MAN1A2: variants seen among roughly 807,000 people sequenced by gnomAD.
MAN1A2 encodes the protein mannosyl-oligosaccharide 1,2-alpha-mannosidase IB.
In MAN1A2, 26 loss-of-function variants were observed where a neutral mutation model predicts 75.7. The ratio of observed to expected loss-of-function variants is 0.34; its 90% confidence interval spans 0.25 to 0.48. MAN1A2 has a LOEUF of 0.48. Among genes scored for constraint, MAN1A2 ranks in the 20% least tolerant of loss-of-function variants. MAN1A2 has a pLI of 0.99. For missense variants in MAN1A2, 562 were observed against 775.5 expected (o/e 0.72, Z 3.27); for synonymous variants, 247 against 264.6 (o/e 0.93, Z 0.65).
At chr1:117,511,215 C>A (rs1476199533) in intron 12 of MAN1A2, among the ~76,000 whole-genome samples, 1 of 152,012 alleles carries the variant, frequency 6.6e-6, no homozygotes. Flanking sequence ...GGGAAACCAC[C>A]CCCATGATCC....
At chr1:117,401,483 A>G (rs1384386571) in intron 1 of MAN1A2, among the ~76,000 whole-genome samples, 1 of 152,146 alleles carries the variant, frequency 6.6e-6, no homozygotes, top group Non-Finnish European at 1.5e-5. Context: ...TGGGGTGGAT[A>G]TAGAGGGAAT....
rs988570033 is a variant in MAN1A2 at position 117,400,270 on chromosome 1, C to G, written c.303-1916C>G. Among the ~76,000 whole-genome samples the G allele has an allele frequency of 1.4e-4, 21 of 151,802 alleles. 1 individual carries two copies. Among genetic ancestry groups the G allele is most frequent in the Admixed American group, 9.9e-4 (15 of 15,212 alleles). The stretch of plus-strand genomic sequence containing the variant: ...TGACCGTCTAGCCTACTTCACCTCC[C>G]TCTCCCTTTCTCTCTCTTGTTTCTC... On this transcript the variant is annotated intron_variant, in intron 1 of 12. Transcript: ENST00000356554.
At chr1:117,500,511 T>G (rs1651168259) in intron 11 of MAN1A2, among the ~76,000 whole-genome samples, 1 of 151,852 alleles carries the variant, frequency 6.6e-6, no homozygotes, top group South Asian at 2.1e-4. Flanking sequence ...AAGGATCTGA[T>G]TGTAATCCAC....
intron 1 of MAN1A2, among the ~76,000 whole-genome samples, chr1:117,401,635 T>C (rs1443863098): frequency 2.0e-5 from 3 of 152,178 alleles, no homozygotes; most frequent in Admixed American, 6.5e-5. Context: ...CATATAGACC[T>C]ACTAAATTGG....
At chr1:117,500,728 T>C (rs1243124476) in intron 11 of MAN1A2, among the ~76,000 whole-genome samples, 1 of 151,882 alleles carries the variant, frequency 6.6e-6, no homozygotes, top group East Asian at 1.9e-4. Flanking sequence ...CTTGGCCCCT[T>C]GGCTCCAGAA....
intron 1 of MAN1A2, among the ~76,000 whole-genome samples, chr1:117,394,231 G>A (rs1346670911): frequency 2.6e-5 from 4 of 151,922 alleles, no homozygotes; most frequent in African/African-American, 4.8e-5. Flanking sequence ...ACAGGCACCC[G>A]CCACCATGCC....
chr1:117,397,840 C>T (rs745872474), intron 1 of MAN1A2, among the ~76,000 whole-genome samples: 14 of 151,638 alleles, frequency 9.2e-5, no homozygotes, highest in Admixed American at 1.3e-4. Context: ...TTAGTAGAGA[C>T]GGGGTTTCAC....
chr1:117,482,492 G>C (rs987746434), intron 8 of MAN1A2, among the ~76,000 whole-genome samples: 7 of 151,920 alleles, frequency 4.6e-5, no homozygotes, highest in Admixed American at 4.6e-4. Flanking sequence ...TTTTTCATGT[G>C]TCTGTTGGCT....
chr1:117,448,340 G>T (rs986351280), intron 6 of MAN1A2, among the ~76,000 whole-genome samples: 1 of 152,010 alleles, frequency 6.6e-6, no homozygotes, highest in Non-Finnish European at 1.5e-5. Context: ...TTACTTTATG[G>T]CATGCAAAGA....
intron 1 of MAN1A2, among the ~76,000 whole-genome samples, chr1:117,375,940 C>T (rs1653122708): frequency 7.1e-6 from 1 of 140,336 alleles, no homozygotes; most frequent in Non-Finnish European, 1.5e-5. Flanking sequence ...GAGACGGAGT[C>T]TTGCTCTGTC....
chr1:117,460,741 T>G, intron 7 of MAN1A2, 129 bp downstream of exon 7: 2 of 1,143,516 alleles, frequency 1.7e-6, no homozygotes, highest in Non-Finnish European at 2.3e-6. Context: ...GCCTTTATTT[T>G]TTCTTTTGAA....
intron 6 of MAN1A2, 133 bp from the exon 7 acceptor site, chr1:117,460,356 T>G: frequency 1.9e-6 from 1 of 536,954 alleles, no homozygotes; most frequent in South Asian, 4.0e-5. Context: ...TAATACAATT[T>G]TAGATATAAA....
intron 7 of MAN1A2, 145 bp downstream of exon 7, chr1:117,460,757 T>C: frequency 1.1e-6 from 1 of 926,636 alleles, no homozygotes; most frequent in Non-Finnish European, 1.5e-6. Context: ...TTGAAGTTAC[T>C]CAAAGAAATG....
chr1:117,452,300 T>C (rs1204824469), intron 6 of MAN1A2, among the ~76,000 whole-genome samples: 3 of 123,476 alleles, frequency 2.4e-5, no homozygotes, highest in Non-Finnish European at 5.3e-5. Context: ...AGAGCAAGAC[T>C]CTGTCTCAAA....
At chr1:117,369,747 C>T (rs964816529) in intron 1 of MAN1A2, among the ~76,000 whole-genome samples, 6 of 152,104 alleles carry the variant, frequency 3.9e-5, no homozygotes, top group Admixed American at 1.3e-4. Flanking sequence ...TTGCACTTTG[C>T]TTGTTGTGAC....
intron 12 of MAN1A2, among the ~76,000 whole-genome samples, chr1:117,506,968 C>G (rs1651394432): frequency 6.6e-6 from 1 of 151,508 alleles, no homozygotes; most frequent in Non-Finnish European, 1.5e-5. Flanking sequence ...ATGTTAGTGC[C>G]TTACTTTTAA....
intron 8 of MAN1A2, among the ~76,000 whole-genome samples, chr1:117,474,828 C>G (rs1471605291): frequency 6.6e-6 from 1 of 151,746 alleles, no homozygotes; most frequent in East Asian, 1.9e-4. Flanking sequence ...TTCCTCATAC[C>G]CTTACATGTT....
chr1:117,371,686 T>A (rs1652970226), intron 1 of MAN1A2, among the ~76,000 whole-genome samples: 1 of 152,108 alleles, frequency 6.6e-6, no homozygotes. Context: ...GGTGTGGGTC[T>A]GGGTGATGAG....
intron 1 of MAN1A2, among the ~76,000 whole-genome samples, chr1:117,374,288 GC>G (rs1653072941): frequency 6.6e-6 from 1 of 152,124 alleles, no homozygotes; most frequent in Non-Finnish European, 1.5e-5. Context: ...CAGAGGCTCT[GC>G]CTCTTTAAAA....
Sources: allele counts gnomAD v4.1 joint callset (sites outside exome capture counted in the v4.1 genomes callset), GRCh38; gene constraint gnomAD v4.1.1; transcripts MANE v1.5; gene names NCBI Gene and HGNC (gene_info 2026-07-23, HGNC 2026-07-21).